SLC41A3: variants seen among roughly 807,000 people sequenced by gnomAD.
SLC41A3 encodes the protein solute carrier family 41 member 3, also known as SLC41A1-like 2.
Under a neutral mutation model 45.4 loss-of-function variants are expected in SLC41A3, and 44 were observed. The ratio of observed to expected loss-of-function variants is 0.97; its 90% CI spans 0.76 to 1.25. SLC41A3 has a LOEUF of 1.25. Among genes scored for constraint, SLC41A3 ranks in the 50% most tolerant of loss-of-function variants. The pLI is 0.00. For missense variants in SLC41A3, 550 were observed against 600.6 expected, an observed-to-expected ratio of 0.92 and a Z score of 0.88; for synonymous variants, 256 against 252.4, an observed-to-expected ratio of 1.01 and a Z score of -0.13.
At chr3:126,050,073 C>A (rs1943224886) in intron 3 of SLC41A3, among the ~76,000 whole-genome samples, 1 of 152,338 alleles carries the variant, frequency 6.6e-6, no homozygotes, top group East Asian at 1.9e-4. Context: ...TCTCCCATCC[C>A]AAGGGGCTTC....
upstream of SLC41A3, among the ~76,000 whole-genome samples, chr3:126,085,889 T>A (rs1945376075): frequency 2.0e-5 from 3 of 152,132 alleles, no homozygotes; most frequent in Admixed American, 6.6e-5. Context: ...AAATTAATTT[T>A]AAAAATGGCT....
At chr3:126,033,802 A>T (rs1386770522) in intron 3 of SLC41A3, 124 bp from the exon 4 acceptor site, 1 of 1,037,960 alleles carries the variant, frequency 9.6e-7, no homozygotes, top group Non-Finnish European at 1.4e-6. Context: ...CGTCAGAAAA[A>T]AATTCCTCTG....
chr3:126,056,472 G>C (rs767273116), intron 2 of SLC41A3: 2 of 1,614,192 alleles, frequency 1.2e-6, no homozygotes, highest in Non-Finnish European at 1.7e-6. Context: ...CCCCATGTGG[G>C]GACCGGGTAA....
intron 3 of SLC41A3, among the ~76,000 whole-genome samples, chr3:126,034,158 C>T (rs1942017729): frequency 6.6e-6 from 1 of 152,216 alleles, no homozygotes; most frequent in African/African-American, 2.4e-5. Context: ...CCCTCCTCTA[C>T]CCTGAAGCTA....
intron 5 of SLC41A3, chr3:126,025,792 T>C (rs1055087990): frequency 6.5e-6 from 1 of 152,790 alleles, no homozygotes; most frequent in Non-Finnish European, 1.5e-5. Context: ...GAGGAGTAAA[T>C]GTCTGCTGCT....
Position 126,007,170 on chromosome 3 carries a change from G to T in SLC41A3, c.1310C>A (p.Ala437Asp). Residue 437 changes from alanine (A) to aspartate (D), a missense_variant, in exon 11 of 11, where the codon GCC becomes GAC. By Grantham distance (126) the Ala-to-Asp change is moderately radical. Coordinates refer to ENST00000360370, the MANE Select transcript of SLC41A3 (RefSeq NM_017836.4). ...GATGCAGTGGTTGTCAGGATCCAGG[G>T]CCTGGTGCCAAGTCAGCCGAACCAT... ...EVMVRLTWHQ[A>D]LDPDNHCIPY... 1 of 1,614,208 alleles carries T rather than the reference G, an allele frequency of 6.2e-7. No homozygotes were observed. Among genetic ancestry groups the T allele is most frequent in the Non-Finnish European group, 8.5e-7 (1 of 1,180,028 alleles).
intron 3 of SLC41A3, among the ~76,000 whole-genome samples, chr3:126,038,428 A>T (rs1037529798): frequency 1.3e-5 from 2 of 152,242 alleles, no homozygotes; most frequent in African/African-American, 2.4e-5. Context: ...AGAAGTCCAG[A>T]GGCCTTGGGA....
At chr3:126,073,452 A>C (rs1383668280) in intron 1 of SLC41A3, among the ~76,000 whole-genome samples, 1 of 152,104 alleles carries the variant, frequency 6.6e-6, no homozygotes, top group Non-Finnish European at 1.5e-5. Context: ...AAACAAAAAC[A>C]AACAAACAAA....
At chr3:126,061,857 GCT>G (rs1205918252) in intron 2 of SLC41A3, among the ~76,000 whole-genome samples, 4 of 152,078 alleles carry the variant, frequency 2.6e-5, no homozygotes, top group African/African-American at 9.7e-5. Flanking sequence ...TCTCTCTTGG[GCT>G]CTGTCATCTC....
intron 2 of SLC41A3, among the ~76,000 whole-genome samples, chr3:126,063,589 T>C (rs1944183123): frequency 6.6e-6 from 1 of 152,160 alleles, no homozygotes; most frequent in African/African-American, 2.4e-5. Context: ...GATGCCCCAC[T>C]TGGGGGTAGA....
intron 1 of SLC41A3, among the ~76,000 whole-genome samples, chr3:126,099,821 C>A (rs1248800706): frequency 6.6e-6 from 1 of 152,104 alleles, no homozygotes; most frequent in African/African-American, 2.4e-5. Context: ...TAACTGATAC[C>A]CAGAGTCTGT....
rs779041882 is a variant in SLC41A3 at position 126,006,535 on chromosome 3, C to T, written c.*481G>A. ...GGGGAGGCTGTACACCTTCTTGGCA[C>T]AGCAGCAGTGTGGCCCACGGAGCTT... On this transcript the variant is annotated 3_prime_UTR_variant, in exon 11 of 11. Transcript: ENST00000360370. 2.5e-6 allele frequency: 4 copies of T among 1,610,848 alleles called. No homozygotes were observed. Among genetic ancestry groups the T allele is most frequent in the Non-Finnish European group, 3.4e-6 (4 of 1,179,376 alleles).
At chr3:126,027,056 G>T (rs559233399) in intron 4 of SLC41A3, among the ~76,000 whole-genome samples, 1 of 152,282 alleles carries the variant, frequency 6.6e-6, no homozygotes, top group Non-Finnish European at 1.5e-5. Flanking sequence ...AATCCAAAAT[G>T]CTGACCTGGA....
chr3:126,014,701 G>C (rs906760958), intron 8 of SLC41A3, among the ~76,000 whole-genome samples: 1 of 152,238 alleles, frequency 6.6e-6, no homozygotes, highest in Non-Finnish European at 1.5e-5. Flanking sequence ...GGACACGCAG[G>C]GGCTGCCTAG....
chr3:126,020,968 C>T (rs6438957), intron 6 of SLC41A3, among the ~76,000 whole-genome samples: 150,755 of 151,996 alleles, frequency 0.99, 74,765 homozygotes, highest in Middle Eastern at 1. Flanking sequence ...TATCCCGGCT[C>T]ACTGCAAGCT....
chr3:126,013,608 T>C (rs2107658132), intron 8 of SLC41A3, among the ~76,000 whole-genome samples: 1 of 150,566 alleles, frequency 6.6e-6, no homozygotes, highest in South Asian at 2.1e-4. Flanking sequence ...AGGACAGAGA[T>C]GATCACAGGC....
intron 3 of SLC41A3, among the ~76,000 whole-genome samples, chr3:126,042,551 A>T (rs961872853): frequency 1.3e-5 from 2 of 152,230 alleles, no homozygotes; most frequent in African/African-American, 4.8e-5. Context: ...GAACAAAAAA[A>T]TTGACAGACA....
At chr3:126,019,176 G>C (rs1345882151) in intron 6 of SLC41A3, among the ~76,000 whole-genome samples, 1 of 152,198 alleles carries the variant, frequency 6.6e-6, no homozygotes, top group Non-Finnish European at 1.5e-5. Flanking sequence ...CACATGGCGA[G>C]GGAACCGAGC....
intron 7 of SLC41A3, among the ~76,000 whole-genome samples, chr3:126,015,964 C>T (rs9862567): frequency 0.34 from 51,268 of 152,122 alleles, 9,525 homozygotes; most frequent in African/African-American, 0.5. Context: ...TCAGAAAATG[C>T]TGCAGCCAGA....
Sources: gnomAD v4.1 joint callset for allele counts (sites outside exome capture counted in the v4.1 genomes callset) on GRCh38, gnomAD v4.1.1 for gene constraint, MANE v1.5 for transcripts, NCBI Gene and HGNC (gene_info 2026-07-23, HGNC 2026-07-21) for gene names.